LRMDA: variants seen among roughly 807,000 people sequenced by gnomAD.
LRMDA encodes leucine-rich melanocyte differentiation-associated protein.
A neutral mutation model predicts 29.8 loss-of-function variants in LRMDA; 18 were observed. The ratio of observed to expected loss-of-function variants is 0.60; its 90% CI spans 0.42 to 0.90. The LOEUF (loss-of-function observed/expected upper bound fraction) is 0.90, where lower values mean the gene tolerates loss of function less well. LRMDA is among the 40% of genes least tolerant of loss of function. The probability of loss-of-function intolerance (pLI) is 0.00; values close to 1 mark genes in which losing one functional copy is unlikely to be tolerated. For missense variants in LRMDA, 273 were observed against 273.9 expected (o/e 1.00, Z 0.02); for synonymous variants, 125 against 109.4 (o/e 1.14, Z -0.89).
rs553827187 is a variant in LRMDA, at chr10:75,875,332, G to A, written c.132-160676G>A. On this transcript the variant is annotated intron_variant, in intron 2 of 6. Coordinates refer to ENST00000611255, the MANE Select transcript of LRMDA (RefSeq NM_001305581.2). Reference sequence around the variant, plus strand: ...TGAAGAAGACAGAAAACACATCAGCGGTAGAATCAGTGACTGAGGAGTTTG... The same window carrying A: ...TGAAGAAGACAGAAAACACATCAGCAGTAGAATCAGTGACTGAGGAGTTTG... Among the ~76,000 whole-genome samples the A allele has an allele frequency of 3.3e-5, 5 of 152,336 alleles. No individual in the cohort carries two copies. In the South Asian group the frequency reaches 8.3e-4, roughly 25 times the overall value.
chr10:76,464,079 C>T lies in LRMDA; in HGVS notation c.602-93130C>T, dbSNP rs536457107. Among the ~76,000 whole-genome samples, 9 of 151,950 alleles carry T rather than the reference C, an allele frequency of 5.9e-5. No individual in the cohort carries two copies. The South Asian group carries it at 1.9e-3, about 32-fold the overall frequency. On this transcript the variant is annotated intron_variant, in intron 6 of 6. Transcript: ENST00000611255. ...GGATTACAGGCACGAACCACCACGC[C>T]CAGCTAATTTTGTATTTTTAGTAGA...
chr10:76,058,848 G>A (rs1286777955), intron 5 of LRMDA, 65 bp downstream of exon 5: 9 of 1,238,630 alleles, frequency 7.3e-6, no homozygotes, highest in Admixed American at 5.1e-5. Flanking sequence ...TACACCCCAG[G>A]GCATGCAGAA....
intron 5 of LRMDA, among the ~76,000 whole-genome samples, chr10:76,181,920 A>G (rs1323394164): frequency 6.6e-6 from 1 of 152,216 alleles, no homozygotes; most frequent in Non-Finnish European, 1.5e-5. Flanking sequence ...GCTGAGTTTT[A>G]GGATGGCAGA....
intron 2 of LRMDA, among the ~76,000 whole-genome samples, chr10:75,823,328 C>T (rs1844193593): frequency 6.6e-6 from 1 of 152,116 alleles, no homozygotes; most frequent in African/African-American, 2.4e-5. Context: ...CAATAGAAGA[C>T]ATACAAGCAG....
In LRMDA at chr10:76,505,922, A is replaced by C. The variant is rs557898309; in HGVS notation, c.602-51287A>C. Among the ~76,000 whole-genome samples, 23 of 152,228 alleles carry C rather than the reference A, an allele frequency of 1.5e-4. No individual in the cohort carries two copies. The East Asian group carries it at 2.9e-3, about 19-fold the overall frequency. ...TTTAGCTGTAGCATAAGTTGAGTATAATCAATTGGCTTTGTTTCTGGGCGC... is the reference window on the plus strand; with the variant it reads ...TTTAGCTGTAGCATAAGTTGAGTATCATCAATTGGCTTTGTTTCTGGGCGC... On this transcript the variant is annotated intron_variant, in intron 6 of 6. Transcript: ENST00000611255.
At chr10:75,929,629 C>T (rs1846176843) in intron 2 of LRMDA, among the ~76,000 whole-genome samples, 1 of 152,062 alleles carries the variant, frequency 6.6e-6, no homozygotes, top group African/African-American at 2.4e-5. Context: ...TCCACATAGC[C>T]CTCAAATTTC....
intron 2 of LRMDA, among the ~76,000 whole-genome samples, chr10:75,952,327 T>G (rs760300028): frequency 6.6e-6 from 1 of 152,268 alleles, no homozygotes; most frequent in Non-Finnish European, 1.5e-5. Flanking sequence ...CACAACCATT[T>G]AATTTGTCAG....
At chr10:76,494,495 A>T (rs1233648229) in intron 6 of LRMDA, among the ~76,000 whole-genome samples, 3 of 151,804 alleles carry the variant, frequency 2.0e-5, no homozygotes, top group Non-Finnish European at 2.9e-5. Context: ...TTGATAATTT[A>T]TCTATTTTCT....
intron 2 of LRMDA, among the ~76,000 whole-genome samples, chr10:75,855,297 T>C (rs1476418392): frequency 6.6e-6 from 1 of 152,212 alleles, no homozygotes; most frequent in South Asian, 2.1e-4. Flanking sequence ...GTGGTTTTGA[T>C]TTGCATTTCT....
intron 6 of LRMDA, among the ~76,000 whole-genome samples, chr10:76,428,529 T>G (rs768681048): frequency 1.3e-5 from 2 of 152,158 alleles, no homozygotes; most frequent in African/African-American, 2.4e-5. Context: ...GGCCCCACAT[T>G]AACTGTGCCA....
intron 2 of LRMDA, among the ~76,000 whole-genome samples, chr10:75,607,114 G>A (rs568274179): frequency 3.3e-5 from 5 of 152,242 alleles, no homozygotes; most frequent in Admixed American, 2.6e-4. Flanking sequence ...AGAAATTCCC[G>A]GAACAGTTTT....
chr10:75,779,550 G>A (rs1309734072), intron 2 of LRMDA, among the ~76,000 whole-genome samples: 3 of 152,330 alleles, frequency 2.0e-5, no homozygotes, highest in Middle Eastern at 6.8e-3. Flanking sequence ...TACTGGAATT[G>A]CAGAGCTAGG....
chr10:76,069,449 T>A (rs557793943), intron 5 of LRMDA, among the ~76,000 whole-genome samples: 95 of 152,342 alleles, frequency 6.2e-4, no homozygotes, highest in African/African-American at 2.3e-3. Flanking sequence ...AGCAATTACG[T>A]GCAGCCTTTT....
intron 5 of LRMDA, among the ~76,000 whole-genome samples, chr10:76,162,134 T>C (rs1368251038): frequency 6.6e-6 from 1 of 152,196 alleles, no homozygotes; most frequent in Non-Finnish European, 1.5e-5. Context: ...CCTTAGGTTT[T>C]GTTAAGGTAC....
intron 6 of LRMDA, among the ~76,000 whole-genome samples, chr10:76,368,592 T>A (rs1841419089): frequency 6.6e-6 from 1 of 152,134 alleles, no homozygotes; most frequent in Non-Finnish European, 1.5e-5. Flanking sequence ...TTGGGTGAAA[T>A]GTTTTGTATA....
chr10:76,283,181 T>A (rs191157922), intron 5 of LRMDA, among the ~76,000 whole-genome samples: 34 of 152,348 alleles, frequency 2.2e-4, no homozygotes, highest in Non-Finnish European at 3.7e-4. Flanking sequence ...AACTCTGCAA[T>A]GAGTTTATTT....
intron 2 of LRMDA, among the ~76,000 whole-genome samples, chr10:75,656,426 C>T (rs1841675179): frequency 6.6e-6 from 1 of 152,184 alleles, no homozygotes; most frequent in Non-Finnish European, 1.5e-5. Flanking sequence ...TTGTTGGTTG[C>T]TGTTGTTACT....
intron 5 of LRMDA, among the ~76,000 whole-genome samples, chr10:76,228,546 G>A (rs547300696): frequency 9.9e-5 from 15 of 152,212 alleles, no homozygotes; most frequent in South Asian, 2.1e-4. Flanking sequence ...GACACTTGCC[G>A]CTGATTGGTT....
intron 6 of LRMDA, among the ~76,000 whole-genome samples, chr10:76,495,613 C>G (rs1349170611): frequency 6.6e-6 from 1 of 151,750 alleles, no homozygotes; most frequent in African/African-American, 2.4e-5. Context: ...ATTGAGTCTT[C>G]CAATTCATGA....
Sources: gnomAD v4.1 joint callset for allele counts (sites outside exome capture counted in the v4.1 genomes callset) on GRCh38, gnomAD v4.1.1 for gene constraint, MANE v1.5 for transcripts, NCBI Gene and HGNC (gene_info 2026-07-23, HGNC 2026-07-21) for gene names.